NPTX1: variants seen among roughly 807,000 people sequenced by gnomAD.
The protein encoded by NPTX1 is neuronal pentraxin-1.
Under a neutral mutation model 38.7 loss-of-function variants are expected in NPTX1, and 12 were observed. That is an observed-to-expected ratio of 0.31 (90% confidence interval 0.20 to 0.50). NPTX1 has a LOEUF of 0.50. NPTX1 is among the 20% of genes least tolerant of loss of function. The probability of loss-of-function intolerance (pLI) is 0.98; values close to 1 mark genes in which losing one functional copy is unlikely to be tolerated. For missense variants in NPTX1, 454 were observed against 592.2 expected, an observed-to-expected ratio of 0.77 and a Z score of 2.42; for synonymous variants, 272 against 264.9, an observed-to-expected ratio of 1.03 and a Z score of -0.26.
chr17:80,475,875 G>T lies in NPTX1; in HGVS notation c.444+128C>A. The T allele has an allele frequency of 1.2e-6, 1 of 867,472 alleles. No homozygotes were observed. The highest frequency in any genetic ancestry group is 1.6e-6 in the Non-Finnish European group (1 of 616,754). 53.7% of individuals were successfully genotyped at this position (867,472 alleles called of 1,614,324 possible). A position where few individuals can be genotyped will look rare whatever the true frequency, so the allele number is the denominator to read the frequency against. On this transcript the variant is annotated intron_variant, in intron 1 of 4. Coordinates refer to ENST00000306773, the MANE Select transcript of NPTX1 (RefSeq NM_002522.4). This position sits in a 1 kb window ranked among gnomAD's most constrained non-coding sequence, Gnocchi z 6.5. ...CGCGGGGCCTCGCAGGCGCGGGGAGGCACCGGCCGGGCACCCGCGCGGCTG... is the reference window on the plus strand; with the variant it reads ...CGCGGGGCCTCGCAGGCGCGGGGAGTCACCGGCCGGGCACCCGCGCGGCTG...
chr17:80,473,319 T>C lies in NPTX1; in HGVS notation c.778A>G (p.Lys260Glu). ...CCCACACCTGGCGTGGCGCTGGACT[T>C]GAGCCACATGCAGACAGTGAAGGCG... ...MYAFTVCMWL[K>E]SSATPGVGTP... The change falls in exon 3 of 5, where the codon AAG becomes GAG. Residue 260 changes from lysine to glutamate, a missense_variant. By Grantham distance (56) the Lys-to-Glu change is moderately conservative. Around this residue, in one of 4 missense-constraint regions of NPTX1, gnomAD observed 110 missense variants for 197.5 expected, o/e 0.56. Coordinates refer to ENST00000306773, the MANE Select transcript of NPTX1 (RefSeq NM_002522.4). 1 of 1,614,088 alleles carries C rather than the reference T, an allele frequency of 6.2e-7. No homozygotes were observed. Among genetic ancestry groups the C allele is most frequent in the Non-Finnish European group, 8.5e-7 (1 of 1,180,022 alleles).
chr17:80,476,225 G>C lies in NPTX1; in HGVS notation c.222C>G (p.Ser74Arg). The part of the protein sequence containing the change: ...TVLQQKETIL[S>R]QKETIRELTA... The stretch of plus-strand genomic sequence containing the variant: ...TCAGCTCGCGGATGGTCTCCTTCTG[G>C]CTCAGGATGGTCTCCTTCTGCTGCA... The change falls in exon 1 of 5, where the codon AGC becomes AGG. Residue 74 changes from serine to arginine, a missense_variant. This residue lies in a region of NPTX1 where 288 missense variants were observed against 318.4 expected (regional missense o/e 0.90). Coordinates refer to ENST00000306773, the MANE Select transcript of NPTX1 (RefSeq NM_002522.4). The surrounding 1 kb of genome is among the most constrained non-coding windows in gnomAD (Gnocchi z 6.3). The C allele has an allele frequency of 6.4e-7, 1 of 1,573,094 alleles. No individual in the cohort carries two copies. The highest frequency in any genetic ancestry group is 1.1e-5 in the South Asian group (1 of 88,164).
chr17:80,471,960 C>A, intron 3 of NPTX1, 49 bp from the exon 4 acceptor site: 1 of 1,515,816 alleles, frequency 6.6e-7, no homozygotes, highest in Non-Finnish European at 8.9e-7. Context: ...GGGGTACAGC[C>A]CAGAAGCCAT....
rs564221864 is a variant in NPTX1 at position 80,468,445 on chromosome 17, C to T, written c.*2368G>A. 25 of 152,442 alleles carry T rather than the reference C, an allele frequency of 1.6e-4. No individual in the cohort carries two copies. The highest frequency in any genetic ancestry group is 5.3e-4 in the African/African-American group (22 of 41,574). 9.4% of individuals were successfully genotyped at this position (152,442 alleles called of 1,614,324 possible). On this transcript the variant is annotated 3_prime_UTR_variant, in exon 5 of 5. Transcript: ENST00000306773. ...GAAGGTGGTCTGCGGTCCAGTAGAT[C>T]GGCAGGGGCGGGGCTGGCCGGAGGT...
In NPTX1 at chr17:80,471,846, G is replaced by T; in HGVS notation, c.963C>A (p.Thr321=). ...GGTAGGCCTCCCAGACCCCGTCCCG[G>T]GTGGTCCAGGTGACACAGATGTGGT... ...KWHHICVTWT[T]RDGVWEAYQD... The change falls in exon 4 of 5, where the codon ACC becomes ACA. Residue 321 remains threonine (T), a synonymous_variant. Transcript: ENST00000306773. The T allele has an allele frequency of 6.2e-7, 1 of 1,613,704 alleles. No individual in the cohort carries two copies. The highest frequency in any genetic ancestry group is 1.3e-5 in the African/African-American group (1 of 75,068).
chr17:80,466,966 G>A lies in NPTX1; in HGVS notation c.*3847C>T, dbSNP rs2083808861. Among the ~76,000 whole-genome samples the A allele has an allele frequency of 6.6e-6, 1 of 151,670 alleles. No homozygotes were observed. The highest frequency in any genetic ancestry group is 1.9e-4 in the East Asian group (1 of 5,184). On this transcript the variant is annotated 3_prime_UTR_variant, in exon 5 of 5. Coordinates refer to ENST00000306773, the MANE Select transcript of NPTX1 (RefSeq NM_002522.4). ...TTTCCAGAATTGCTGATGGGAGGTG[G>A]CAGGTCCCATGGTTTTGACCCATTT...
rs1175664609 is a variant in NPTX1, at chr17:80,473,188, G to A, written c.897+12C>T. The A allele has an allele frequency of 1.2e-6, 2 of 1,610,316 alleles. No individual in the cohort carries two copies. The highest frequency in any genetic ancestry group is 1.7e-5 in the Admixed American group (1 of 59,970). On this transcript the variant is annotated intron_variant, in intron 3 of 4. Transcript: ENST00000306773. The stretch of plus-strand genomic sequence containing the variant: ...TCGCCCTGCCGCCCTGTGAGCCCGG[G>A]GGCTGCTCTACCTTGTCATTGATGA...
intron 2 of NPTX1, chr17:80,474,599 T>C (rs547300725): frequency 2.2e-4 from 34 of 152,586 alleles, no homozygotes; most frequent in African/African-American, 8.2e-4. Flanking sequence ...CAGTGGGGGA[T>C]AGGGAGGGGC....
chr17:80,473,833 C>T (rs565533344), intron 2 of NPTX1: 5 of 239,476 alleles, frequency 2.1e-5, no homozygotes, highest in East Asian at 1.2e-4. Context: ...AGAGGAGGAA[C>T]GAGGCTAGCT....
chr17:80,474,335 C>T (rs2083861372), intron 2 of NPTX1: 1 of 152,292 alleles, frequency 6.6e-6, no homozygotes, highest in African/African-American at 2.4e-5. Context: ...GCAAAACATT[C>T]CTGGCCAGCA....
chr17:80,468,855 C>T lies in NPTX1; in HGVS notation c.*1958G>A, dbSNP rs1131610. On this transcript the variant is annotated 3_prime_UTR_variant, in exon 5 of 5. Coordinates refer to ENST00000306773, the MANE Select transcript of NPTX1 (RefSeq NM_002522.4). ...ACCCAGGGAGCAAGGAACACGCCAC[C>T]CCGAGGAACATGCAAACGGAGAAGA... 0.037 allele frequency: 5,669 copies of T among 152,306 alleles called. 131 individuals carry two copies. Among genetic ancestry groups the T allele is most frequent in the Non-Finnish European group, 0.054 (3,705 of 68,058 alleles). The allele number at this position is 152,306 out of a possible 1,614,324, so 9.4% of individuals were successfully genotyped here. A position where few individuals can be genotyped will look rare whatever the true frequency, so the allele number is the denominator to read the frequency against.
rs200774096 is a variant in NPTX1 at position 80,473,155 on chromosome 17, C to T, written c.897+45G>A. 759 of 1,594,836 alleles carry T rather than the reference C, an allele frequency of 4.8e-4. 8 individuals carry two copies. The South Asian group carries it at 8.0e-3, about 17-fold the overall frequency. ...TCCGCATGCAACATGAGCTGGGGCC[C>T]TGGGGCCTCGCCCTGCCGCCCTGTG... On this transcript the variant is annotated intron_variant, in intron 3 of 4. Transcript: ENST00000306773.
Position 80,473,340 on chromosome 17 carries a change from A to G in NPTX1, c.757T>C (p.Phe253Leu), listed in dbSNP as rs1409444670. The change falls in exon 3 of 5, where the codon TTC becomes CTC. Residue 253 changes from phenylalanine (F) to leucine (L), a missense_variant. Around this residue, in one of 4 missense-constraint regions of NPTX1, gnomAD observed 110 missense variants for 197.5 expected, o/e 0.56. Coordinates refer to ENST00000306773, the MANE Select transcript of NPTX1 (RefSeq NM_002522.4). ...VKKSLPEMYAFTVCMWLKSSA... is the reference protein window; with the variant it reads ...VKKSLPEMYALTVCMWLKSSA... ...GACTTGAGCCACATGCAGACAGTGA[A>G]GGCGTACATCTCTGGCAGGCTCTTC... is the stretch of plus-strand genomic sequence containing the variant. 1.2e-6 allele frequency: 2 copies of G among 1,614,128 alleles called. No individual in the cohort carries two copies. The highest frequency in any genetic ancestry group is 3.3e-5 in the Admixed American group (2 of 60,032).
rs867923719 is a variant in NPTX1, at chr17:80,471,109, T to G, written c.1078-75A>C. On this transcript the variant is annotated intron_variant, in intron 4 of 4. Transcript: ENST00000306773. ...GGGGCCCATCCCTAGGCCGGGGATC[T>G]GAGTGCCTCTGTGCCTGCCCGATCA... The G allele has an allele frequency of 4.3e-6, 5 of 1,169,226 alleles. 1 individual carries two copies. The Middle Eastern group carries it at 1.3e-3, about 295-fold the overall frequency. 72.4% of individuals were successfully genotyped at this position (1,169,226 alleles called of 1,614,324 possible). A position where few individuals can be genotyped will look rare whatever the true frequency, so the allele number is the denominator to read the frequency against.
chr17:80,467,597 G>A lies in NPTX1; in HGVS notation c.*3216C>T, dbSNP rs2083813379. ...CTCCTCACCCCCTCACTGCCCACAA[G>A]ACACCCCCTTGGTCTCAGGTCCCAG... On this transcript the variant is annotated 3_prime_UTR_variant, in exon 5 of 5. Transcript: ENST00000306773. The A allele has an allele frequency of 6.6e-6, 1 of 152,386 alleles. No individual in the cohort carries two copies. Among genetic ancestry groups the A allele is most frequent in the South Asian group, 2.1e-4 (1 of 4,834 alleles). 9.4% of individuals were successfully genotyped at this position (152,386 alleles called of 1,614,324 possible). A position where few individuals can be genotyped will look rare whatever the true frequency, so the allele number is the denominator to read the frequency against.
At position 80,475,904 on chromosome 17, in the gene NPTX1, C is replaced by G. The variant is rs1258261915; in HGVS notation, c.444+99G>C. 1 of 1,056,518 alleles carries G rather than the reference C, an allele frequency of 9.5e-7. No homozygotes were observed. Among genetic ancestry groups the G allele is most frequent in the African/African-American group, 1.8e-5 (1 of 55,448 alleles). 65.4% of individuals were successfully genotyped at this position (1,056,518 alleles called of 1,614,324 possible). On this transcript the variant is annotated intron_variant, in intron 1 of 4. Transcript: ENST00000306773. This position sits in a 1 kb window ranked among gnomAD's most constrained non-coding sequence, Gnocchi z 6.5. ...CGGCCGGGCACCCGCGCGGCTGAGG[C>G]GAGGGCGGGGGATGCCTGGCCGGGT... is the stretch of plus-strand genomic sequence containing the variant.
chr17:80,469,095 G>A lies in NPTX1; in HGVS notation c.*1718C>T, dbSNP rs548896635. Reference sequence around the variant, plus strand: ...CTGACAGACACACACAGATGCACTAGGTTCTTGACACAACGTGGACCTGTG... The same window carrying A: ...CTGACAGACACACACAGATGCACTAAGTTCTTGACACAACGTGGACCTGTG... On this transcript the variant is annotated 3_prime_UTR_variant, in exon 5 of 5. Coordinates refer to ENST00000306773, the MANE Select transcript of NPTX1 (RefSeq NM_002522.4). 1.3e-5 allele frequency: 2 copies of A among 152,580 alleles called. 1 individual carries two copies. The highest frequency in any genetic ancestry group is 3.9e-4 in the East Asian group (2 of 5,174). The allele number at this position is 152,580 out of a possible 1,614,324, so 9.5% of individuals were successfully genotyped here.
rs1012258299 is a variant in NPTX1, at chr17:80,469,243, G to A, written c.*1570C>T. ...AGAATTTCTAGAAAGACTTGTCAGCGGTTTGCTGATGAGACTCCTGGAGAC... is the reference window on the plus strand; with the variant it reads ...AGAATTTCTAGAAAGACTTGTCAGCAGTTTGCTGATGAGACTCCTGGAGAC... On this transcript the variant is annotated 3_prime_UTR_variant, in exon 5 of 5. Coordinates refer to ENST00000306773, the MANE Select transcript of NPTX1 (RefSeq NM_002522.4). 6.6e-6 allele frequency: 1 copy of A among 152,544 alleles called. No individual in the cohort carries two copies. The highest frequency in any genetic ancestry group is 1.5e-5 in the Non-Finnish European group (1 of 68,032). The allele number at this position is 152,544 out of a possible 1,614,324, so 9.4% of individuals were successfully genotyped here.
rs966980511 is a variant in NPTX1 at position 80,469,218 on chromosome 17, A to G, written c.*1595T>C. On this transcript the variant is annotated 3_prime_UTR_variant, in exon 5 of 5. Coordinates refer to ENST00000306773, the MANE Select transcript of NPTX1 (RefSeq NM_002522.4). ...CTGCAGCTGAGCCAGGCAGTGCAGT[A>G]GAATTTCTAGAAAGACTTGTCAGCG... The G allele has an allele frequency of 1.3e-5, 2 of 152,540 alleles. No homozygotes were observed. Among genetic ancestry groups the G allele is most frequent in the African/African-American group, 2.4e-5 (1 of 41,470 alleles). 9.4% of individuals were successfully genotyped at this position (152,540 alleles called of 1,614,324 possible). A position where few individuals can be genotyped will look rare whatever the true frequency, so the allele number is the denominator to read the frequency against.
Sources: allele counts gnomAD v4.1 joint callset (sites outside exome capture counted in the v4.1 genomes callset), GRCh38; gene constraint gnomAD v4.1.1; regional missense constraint gnomAD v4.1.1; non-coding constraint Gnocchi (gnomAD v3.1); transcripts MANE v1.5; gene names NCBI Gene and HGNC (gene_info 2026-07-23, HGNC 2026-07-21).